The following MYO3A variants were observed in gnomAD, a reference collection of about 807,000 sequenced individuals.
The protein encoded by MYO3A is myosin IIIA.
In MYO3A, 180 loss-of-function variants were observed where a neutral mutation model predicts 192.7. That is an observed-to-expected ratio of 0.93 (90% CI 0.83 to 1.06). The LOEUF (loss-of-function observed/expected upper bound fraction) is 1.06, where lower values mean the gene tolerates loss of function less well. Ranked by LOEUF, MYO3A falls within the 50% of genes least tolerant of loss-of-function variation. MYO3A has a pLI of 0.00. For missense variants in MYO3A, 1,896 were observed against 1,905.0 expected (o/e 1.00, Z 0.09); for synonymous variants, 628 against 645.3 (o/e 0.97, Z 0.41).
intron 4 of MYO3A, among the ~76,000 whole-genome samples, chr10:25,959,038 G>A (rs975829517): frequency 1.3e-5 from 2 of 152,076 alleles, no homozygotes; most frequent in African/African-American, 4.8e-5. Context: ...TCTTGCTGAA[G>A]TTGTTTATCA....
In MYO3A at chr10:26,193,185, T is replaced by C; in HGVS notation, c.4439-20T>C. 1.3e-6 allele frequency: 2 copies of C among 1,538,764 alleles called. No homozygotes were observed. Among genetic ancestry groups the C allele is most frequent in the Non-Finnish European group, 1.8e-6 (2 of 1,111,842 alleles). On this transcript the variant is annotated intron_variant, in intron 31 of 34. Coordinates refer to ENST00000642920, the MANE Select transcript of MYO3A (RefSeq NM_017433.5). ...TAGTATTTGTAATTAAATACTTGTT[T>C]ATGATCACCTTTCTTATAGGTGTCT...
chr10:26,143,566 G>C lies in MYO3A; in HGVS notation c.2381G>C (p.Ser794Thr). 2 of 1,614,036 alleles carry C rather than the reference G, an allele frequency of 1.2e-6. No individual in the cohort carries two copies. Among genetic ancestry groups the C allele is most frequent in the South Asian group, 1.1e-5 (1 of 91,076 alleles). ...MGLLSLLDEE[S>T]RFPKATDQTL... The stretch of plus-strand genomic sequence containing the variant: ...TTACTTTCCCTACTTGATGAAGAAA[G>C]TAGATTTCCCAAGGCCACTGACCAG... Residue 794 changes from serine to threonine, a missense_variant, in exon 21 of 35, where the codon AGT (serine) becomes ACT (threonine). Ser to Thr is a moderately conservative substitution (Grantham distance 58). Transcript: ENST00000642920.
In MYO3A at chr10:26,125,510, C is replaced by T. The variant is rs56207573; in HGVS notation, c.2016C>T (p.Thr672=). The T allele has an allele frequency of 5.0e-6, 8 of 1,614,032 alleles. No individual in the cohort carries two copies. Among genetic ancestry groups the T allele is most frequent in the East Asian group, 4.5e-5 (2 of 44,864 alleles). Residue 672 remains threonine (T), a synonymous_variant, in exon 19 of 35, where the codon ACC becomes ACT. Transcript: ENST00000642920. ...IIRPNTVEKA[T]DVRDAMAKTL... Reference sequence around the variant, plus strand: ...GACCCAATACTGTAGAAAAAGCTACCGATGTCAGGGATGCCATGGCTAAAA... The same window carrying T: ...GACCCAATACTGTAGAAAAAGCTACTGATGTCAGGGATGCCATGGCTAAAA...
intron 6 of MYO3A, among the ~76,000 whole-genome samples, chr10:26,001,125 G>A (rs1377821251): frequency 6.6e-6 from 1 of 152,036 alleles, no homozygotes; most frequent in African/African-American, 2.4e-5. Flanking sequence ...CATTTGGGTG[G>A]GGACACAGAA....
intron 10 of MYO3A, among the ~76,000 whole-genome samples, chr10:26,059,828 A>G (rs147102761): frequency 8.3e-4 from 127 of 152,344 alleles, no homozygotes; most frequent in Non-Finnish European, 1.7e-3. Flanking sequence ...AATAAATATG[A>G]GTTGGATTGA....
chr10:25,961,725 C>T (rs1352591879), intron 4 of MYO3A, among the ~76,000 whole-genome samples: 1 of 152,090 alleles, frequency 6.6e-6, no homozygotes, highest in Non-Finnish European at 1.5e-5. Context: ...ATCACATATA[C>T]ACATAAGTGG....
At chr10:26,083,368 T>G (rs1836094151) in intron 14 of MYO3A, among the ~76,000 whole-genome samples, 1 of 152,270 alleles carries the variant, frequency 6.6e-6, no homozygotes, top group South Asian at 2.1e-4. Context: ...AACTTAGAAA[T>G]TATTTATTTC....
chr10:26,044,059 T>A (rs1386463130), intron 10 of MYO3A, among the ~76,000 whole-genome samples: 1 of 152,180 alleles, frequency 6.6e-6, no homozygotes, highest in Non-Finnish European at 1.5e-5. Flanking sequence ...GGTTCTTCCC[T>A]TTAAGTCAGC....
At chr10:26,162,821 T>A (rs1841547293) in intron 26 of MYO3A, among the ~76,000 whole-genome samples, 1 of 152,232 alleles carries the variant, frequency 6.6e-6, no homozygotes, top group Admixed American at 6.5e-5. Flanking sequence ...ACTGCCAGCC[T>A]TGAGCCTTAA....
chr10:26,101,686 G>A (rs534364150), intron 17 of MYO3A, among the ~76,000 whole-genome samples: 29 of 152,258 alleles, frequency 1.9e-4, no homozygotes, highest in African/African-American at 7.0e-4. Flanking sequence ...GAAATTCTGG[G>A]TTGAAAATTC....
chr10:26,051,228 T>A lies in MYO3A; in HGVS notation c.954-15747T>A, dbSNP rs143407285. On this transcript the variant is annotated intron_variant, in intron 10 of 34. Coordinates refer to ENST00000642920, the MANE Select transcript of MYO3A (RefSeq NM_017433.5). ...AACATCACGTAATATTCTTTATCAC[T>A]GTATCAAATACATGAAGGATGGTGG... Among the ~76,000 whole-genome samples the A allele has an allele frequency of 5.5e-4, 84 of 152,282 alleles. No individual in the cohort carries two copies. The East Asian group carries it at 0.015, about 27-fold the overall frequency.
rs10715590 is a variant in MYO3A at position 26,145,179 on chromosome 10, CAA to C, written c.2417-249_2417-248del. The stretch of plus-strand genomic sequence containing the variant: ...GGGCAACAAGAACGAAACTCTGTCT[CAA>C]AAAAAAAAAAAAAAAAACCCTCAAG... On this transcript the variant is annotated intron_variant, in intron 21 of 34. Coordinates refer to ENST00000642920, the MANE Select transcript of MYO3A (RefSeq NM_017433.5). 7.4e-4 allele frequency among the ~76,000 whole-genome samples: 70 copies of C among 94,374 alleles called. 1 individual carries two copies. The highest frequency in any genetic ancestry group is 6.9e-3 in the Middle Eastern group (1 of 144). The allele number at this position is 94,374 out of a possible 152,430, so 61.9% of individuals were successfully genotyped here.
At chr10:26,061,947 T>C (rs12774885) in intron 10 of MYO3A, among the ~76,000 whole-genome samples, 71,610 of 151,726 alleles carry the variant, frequency 0.47, 17,713 homozygotes, top group Middle Eastern at 0.59. Flanking sequence ...GTTATACTTA[T>C]AAGAATCGCT....
chr10:25,952,407 G>A (rs1373008280), intron 3 of MYO3A, 129 bp downstream of exon 3: 2 of 1,109,234 alleles, frequency 1.8e-6, no homozygotes, highest in African/African-American at 1.6e-5. Flanking sequence ...GAAGATAAAT[G>A]TAAAAGAGAA....
At chr10:26,196,769 A>T (rs1231228663) in intron 32 of MYO3A, among the ~76,000 whole-genome samples, 1 of 152,234 alleles carries the variant, frequency 6.6e-6, no homozygotes, top group East Asian at 1.9e-4. Flanking sequence ...TAAGTGAATG[A>T]ATTTTTTTTA....
chr10:25,966,129 C>A (rs1838251704), intron 4 of MYO3A, among the ~76,000 whole-genome samples: 3 of 152,036 alleles, frequency 2.0e-5, no homozygotes, highest in Admixed American at 2.0e-4. Flanking sequence ...ATGGGTGGAA[C>A]TTTCTATTCT....
intron 2 of MYO3A, among the ~76,000 whole-genome samples, chr10:25,943,768 T>TGTGTG (rs367579002): frequency 7.0e-6 from 1 of 142,590 alleles, no homozygotes; most frequent in South Asian, 2.3e-4. Flanking sequence ...GTTCTAACAT[T>TGTGTG]TGTGTGTGTG....
At chr10:26,121,473 C>T (rs752583944) in intron 18 of MYO3A, among the ~76,000 whole-genome samples, 2 of 152,060 alleles carry the variant, frequency 1.3e-5, no homozygotes, top group Non-Finnish European at 2.9e-5. Flanking sequence ...AATCACTCCT[C>T]GTCCAAAAGC....
chr10:26,032,641 C>T (rs561952118), intron 10 of MYO3A, among the ~76,000 whole-genome samples: 1 of 151,060 alleles, frequency 6.6e-6, no homozygotes, highest in Admixed American at 6.6e-5. Flanking sequence ...AAAAAAAAAA[C>T]CAACAAAAAA....
Sources: gnomAD v4.1 joint callset for allele counts (sites outside exome capture counted in the v4.1 genomes callset) on GRCh38, gnomAD v4.1.1 for gene constraint, MANE v1.5 for transcripts, NCBI Gene and HGNC (gene_info 2026-07-23, HGNC 2026-07-21) for gene names.